The following HLCS variants were observed in gnomAD, a reference collection of about 807,000 sequenced individuals.
HLCS encodes holocarboxylase synthetase.
Under a neutral mutation model 75.0 loss-of-function variants are expected in HLCS, and 53 were observed. That is an observed-to-expected ratio of 0.71 (90% confidence interval 0.57 to 0.89). The LOEUF (loss-of-function observed/expected upper bound fraction) is 0.89, where lower values mean the gene tolerates loss of function less well. Among genes scored for constraint, HLCS ranks in the 40% least tolerant of loss-of-function variants. The pLI, the probability that HLCS is intolerant of heterozygous loss-of-function variation, is 0.00. For synonymous variants in HLCS, 431 were observed against 428.6 expected (o/e 1.01, Z -0.07); for missense variants, 966 against 1,074.0 (o/e 0.90, Z 1.41).
intron 6 of HLCS, among the ~76,000 whole-genome samples, chr21:36,829,625 G>A (rs1281055964): frequency 6.6e-6 from 1 of 151,914 alleles, no homozygotes; most frequent in East Asian, 1.9e-4. Context: ...CTTCTCAATG[G>A]GTTCACGGTG....
At chr21:36,985,192 A>T (rs1000228994) in intron 1 of HLCS, among the ~76,000 whole-genome samples, 1 of 152,228 alleles carries the variant, frequency 6.6e-6, no homozygotes, top group Non-Finnish European at 1.5e-5. Flanking sequence ...TGCTATTCAC[A>T]TTTAGTCAAT....
chr21:36,816,470 C>G (rs1242645908), intron 6 of HLCS, among the ~76,000 whole-genome samples: 1 of 152,032 alleles, frequency 6.6e-6, no homozygotes, highest in Non-Finnish European at 1.5e-5. Flanking sequence ...AGGAAATACA[C>G]AGGAGGAGTT....
At chr21:36,817,907 G>A (rs2061710646) in intron 6 of HLCS, among the ~76,000 whole-genome samples, 1 of 152,190 alleles carries the variant, frequency 6.6e-6, no homozygotes, top group South Asian at 2.1e-4. Flanking sequence ...CCTACAGCTG[G>A]CTAAGGGTCA....
At chr21:36,832,394 A>G (rs745729715) in intron 6 of HLCS, among the ~76,000 whole-genome samples, 3 of 152,218 alleles carry the variant, frequency 2.0e-5, no homozygotes, top group Non-Finnish European at 4.4e-5. Context: ...ACAACTCTGA[A>G]GCTTTTCTCT....
intron 6 of HLCS, among the ~76,000 whole-genome samples, chr21:36,834,657 G>A (rs573209154): frequency 2.0e-5 from 3 of 152,348 alleles, no homozygotes; most frequent in African/African-American, 7.2e-5. Flanking sequence ...CTGGGTTCAA[G>A]CGAGTCTCCT....
chr21:36,814,788 T>TCC (rs2061611607), intron 6 of HLCS, among the ~76,000 whole-genome samples: 1 of 152,230 alleles, frequency 6.6e-6, no homozygotes, highest in Admixed American at 6.5e-5. Context: ...TCTGGAATTC[T>TCC]CCATTTCTAA....
At chr21:36,758,464 T>C (rs974571131) in intron 9 of HLCS, among the ~76,000 whole-genome samples, 2 of 152,070 alleles carry the variant, frequency 1.3e-5, no homozygotes, top group African/African-American at 4.8e-5. Flanking sequence ...CAGAATGGAG[T>C]GGAGTGGCTC....
intron 5 of HLCS, among the ~76,000 whole-genome samples, chr21:36,923,995 T>C (rs979964907): frequency 6.6e-6 from 1 of 152,218 alleles, no homozygotes; most frequent in African/African-American, 2.4e-5. Flanking sequence ...CGGTGCCGTA[T>C]TGTAAAACAG....
At chr21:36,984,269 T>C (rs1261916672) in intron 1 of HLCS, among the ~76,000 whole-genome samples, 1 of 152,186 alleles carries the variant, frequency 6.6e-6, no homozygotes, top group Non-Finnish European at 1.5e-5. Context: ...CTGAACCCTA[T>C]ATATATTGTT....
At chr21:36,977,690 T>G (rs144921697) in intron 1 of HLCS, among the ~76,000 whole-genome samples, 176 of 152,288 alleles carry the variant, frequency 1.2e-3, no homozygotes, top group African/African-American at 3.5e-3. Flanking sequence ...AACCCTGGGT[T>G]CAGATACTGC....
At chr21:36,956,194 T>A (rs2067934053) in intron 2 of HLCS, among the ~76,000 whole-genome samples, 1 of 148,488 alleles carries the variant, frequency 6.7e-6, no homozygotes, top group South Asian at 2.1e-4. Flanking sequence ...AAAAAGAAAC[T>A]GGGAGGAGGG....
intron 6 of HLCS, among the ~76,000 whole-genome samples, chr21:36,874,294 C>G (rs920590854): frequency 3.3e-5 from 5 of 151,796 alleles, no homozygotes; most frequent in Admixed American, 6.6e-5. Context: ...CTCAGCTACT[C>G]GGGAGGCTGA....
chr21:36,932,883 C>G lies in HLCS; in HGVS notation c.1438-2450G>C, dbSNP rs575277400. 1.9e-3 allele frequency among the ~76,000 whole-genome samples: 292 copies of G among 152,194 alleles called. 3 individuals are homozygous for G. Among genetic ancestry groups the G allele is most frequent in the African/African-American group, 6.8e-3 (282 of 41,518 alleles). On this transcript the variant is annotated intron_variant, in intron 4 of 10. Coordinates refer to ENST00000674895, the MANE Select transcript of HLCS (RefSeq NM_001352514.2). The stretch of plus-strand genomic sequence containing the variant: ...CTATAATCCCAGCACTTTGGCAGGC[C>G]GAGGCGGGAGGATCATTTGAGGCCA...
rs147747449 is a variant in HLCS at position 36,935,732 on chromosome 21, G to T, written c.1437+717C>A. 1.3e-3 allele frequency among the ~76,000 whole-genome samples: 191 copies of T among 152,246 alleles called. No homozygotes were observed. In the Middle Eastern group the frequency reaches 0.017, roughly 14 times the overall value. On this transcript the variant is annotated intron_variant, in intron 4 of 10. Coordinates refer to ENST00000674895, the MANE Select transcript of HLCS (RefSeq NM_001352514.2). ...CAAGGAATTCTGAAATAGTTTATCC[G>T]CTACCGTTTGCTTAAACAAACAAAA... is the stretch of plus-strand genomic sequence containing the variant.
intron 4 of HLCS, among the ~76,000 whole-genome samples, chr21:36,933,609 T>C (rs2066747013): frequency 6.9e-6 from 1 of 145,844 alleles, no homozygotes; most frequent in East Asian, 2.0e-4. Flanking sequence ...CTACCCTAAA[T>C]GTGTACCTCT....
At chr21:36,929,000 T>C (rs901558276) in intron 5 of HLCS, among the ~76,000 whole-genome samples, 1 of 152,208 alleles carries the variant, frequency 6.6e-6, no homozygotes, top group African/African-American at 2.4e-5. Flanking sequence ...GCATCTGTTG[T>C]GTGCTTGAAT....
At chr21:36,883,492 GAACACT>G (rs1246698084) in intron 6 of HLCS, among the ~76,000 whole-genome samples, 4 of 152,186 alleles carry the variant, frequency 2.6e-5, no homozygotes, top group Non-Finnish European at 5.9e-5. Flanking sequence ...CCTCAATCAT[GAACACT>G]AACGTCTAAG....
chr21:36,804,132 C>T (rs1012420849), intron 6 of HLCS: 44 of 152,656 alleles, frequency 2.9e-4, no homozygotes, highest in African/African-American at 1.0e-3. Context: ...CAATCCGCTT[C>T]CCCGGCCTGC....
chr21:36,795,490 T>C (rs1382211036), intron 6 of HLCS, among the ~76,000 whole-genome samples: 1 of 152,278 alleles, frequency 6.6e-6, no homozygotes, highest in African/African-American at 2.4e-5. Context: ...ATTTCATAGT[T>C]GCTATGCTCC....
Sources: allele counts gnomAD v4.1 joint callset (sites outside exome capture counted in the v4.1 genomes callset), GRCh38; gene constraint gnomAD v4.1.1; transcripts MANE v1.5; gene names NCBI Gene and HGNC (gene_info 2026-07-23, HGNC 2026-07-21).